The following ZNF383 variants were observed in gnomAD, a reference collection of about 807,000 sequenced individuals.
ZNF383 encodes the protein zinc finger protein 383.
ZNF383 carries 32 observed loss-of-function variants against 44.2 expected under a neutral mutation model. That is an observed-to-expected ratio of 0.72 (90% CI 0.55 to 0.97). The LOEUF (loss-of-function observed/expected upper bound fraction) is 0.97, where lower values mean the gene tolerates loss of function less well. ZNF383 is among the 50% of genes least tolerant of loss of function. The pLI is 0.00. For synonymous variants in ZNF383, 155 were observed against 186.2 expected (o/e 0.83, Z 1.36); for missense variants, 487 against 562.5 (o/e 0.87, Z 1.36).
At chr19:37,233,800 TGAG>T (rs1294151671) in intron 3 of ZNF383, among the ~76,000 whole-genome samples, 1 of 152,132 alleles carries the variant, frequency 6.6e-6, no homozygotes, top group African/African-American at 2.4e-5. Context: ...ATTTCTACAT[TGAG>T]GAGGGGAAGA....
chr19:37,221,929 C>T (rs565815006), intron 1 of ZNF383, among the ~76,000 whole-genome samples: 95 of 144,692 alleles, frequency 6.6e-4, no homozygotes, highest in Non-Finnish European at 1.2e-4. Flanking sequence ...GCACTCCAGC[C>T]TGGCCGACAG....
rs767524951 is a variant in ZNF383 at position 37,242,451 on chromosome 19, C to A, written c.233-18C>A. 1.4e-6 allele frequency: 2 copies of A among 1,460,536 alleles called. No individual in the cohort carries two copies. Among genetic ancestry groups the A allele is most frequent in the African/African-American group, 2.8e-5 (2 of 70,268 alleles). 90.5% of individuals were successfully genotyped at this position (1,460,536 alleles called of 1,614,324 possible). ...ACAAATAGGAAAAAAGAACATTTAC[C>A]ATTTTATTTTCTTTCAGATCTGGAA... On this transcript the variant is annotated intron_variant, in intron 5 of 5. Coordinates refer to ENST00000684119, the MANE Select transcript of ZNF383 (RefSeq NM_001387601.1).
At position 37,243,298 on chromosome 19, in the gene ZNF383, T is replaced by C. The variant is rs750865248; in HGVS notation, c.1062T>C (p.Thr354=). 1 of 1,614,186 alleles carries C rather than the reference T, an allele frequency of 6.2e-7. No homozygotes were observed. The highest frequency in any genetic ancestry group is 2.2e-5 in the East Asian group (1 of 44,878). The change falls in exon 6 of 6, where the codon ACT becomes ACC. Residue 354 remains threonine, a synonymous_variant. Transcript: ENST00000684119. ...GKAFSSGSAL[T]NHQRIHTGEK... ...CCTTTAGTAGTGGCTCAGCACTTAC[T>C]AATCATCAGAGAATTCACACTGGTG...
chr19:37,229,490 A>C (rs956220973), intron 2 of ZNF383, among the ~76,000 whole-genome samples: 6 of 125,494 alleles, frequency 4.8e-5, no homozygotes, highest in East Asian at 2.3e-4. Flanking sequence ...TCAGAGTCTC[A>C]CCCTGTCACC....
intron 2 of ZNF383, among the ~76,000 whole-genome samples, chr19:37,225,899 CCT>C (rs1395944360): frequency 1.3e-5 from 2 of 151,654 alleles, no homozygotes; most frequent in Admixed American, 6.6e-5. Context: ...AAGCGATTCC[CCT>C]GTCTCAGCCT....
chr19:37,236,954 A>AACACACACAC (rs35036376), intron 5 of ZNF383, among the ~76,000 whole-genome samples: 2,206 of 146,834 alleles, frequency 0.015, 29 homozygotes, highest in South Asian at 0.022. Flanking sequence ...CACACATGTG[A>AACACACACAC]ACACACACAC....
chr19:37,230,417 C>G lies in ZNF383; in HGVS notation c.-37C>G. On this transcript the variant is annotated 5_prime_UTR_variant, in exon 3 of 6. Transcript: ENST00000684119. ...ACACTGTCCTTTTTCAGGAGAACGG[C>G]CTCAAGGAAGACTAACCATCTGCAA... 2 of 1,612,154 alleles carry G rather than the reference C, an allele frequency of 1.2e-6. No homozygotes were observed. The highest frequency in any genetic ancestry group is 1.7e-6 in the Non-Finnish European group (2 of 1,178,804).
intron 3 of ZNF383, among the ~76,000 whole-genome samples, chr19:37,232,120 G>C (rs1407635219): frequency 6.6e-6 from 1 of 150,412 alleles, no homozygotes; most frequent in Non-Finnish European, 1.5e-5. Context: ...CTGTCGCCTA[G>C]GCTAGAGTGC....
intron 1 of ZNF383, among the ~76,000 whole-genome samples, chr19:37,222,454 A>G (rs1218393871): frequency 4.6e-5 from 7 of 152,056 alleles, no homozygotes; most frequent in Non-Finnish European, 8.8e-5. Flanking sequence ...TCTGCTCACC[A>G]CAACCTCCAC....
At chr19:37,224,449 G>A (rs1973063500) in intron 1 of ZNF383, among the ~76,000 whole-genome samples, 1 of 152,090 alleles carries the variant, frequency 6.6e-6, no homozygotes, top group African/African-American at 2.4e-5. Flanking sequence ...TTGGTACCTG[G>A]GACTTGGTTC....
intron 3 of ZNF383, among the ~76,000 whole-genome samples, chr19:37,233,287 C>T (rs1450531549): frequency 3.3e-5 from 5 of 151,786 alleles, no homozygotes; most frequent in Admixed American, 1.3e-4. Flanking sequence ...CGTGCCACCA[C>T]GCCCAGCTAA....
In ZNF383 at chr19:37,229,436, G is replaced by A. The variant is rs138039671; in HGVS notation, c.-45-973G>A. Among the ~76,000 whole-genome samples, 340 of 148,780 alleles carry A rather than the reference G, an allele frequency of 2.3e-3. 1 individual carries two copies. The highest frequency in any genetic ancestry group is 7.0e-3 in the Middle Eastern group (2 of 286). The stretch of plus-strand genomic sequence containing the variant: ...AGCCTCCCAAACTGCTGAGATTACA[G>A]GCTGTGAGCCACTGCACCCAGCTTT... On this transcript the variant is annotated intron_variant, in intron 2 of 5. Transcript: ENST00000684119.
At chr19:37,225,292 C>G (rs1015295104) in intron 2 of ZNF383, 1 of 151,528 alleles carries the variant, frequency 6.6e-6, no homozygotes, top group Non-Finnish European at 1.5e-5. Context: ...CAGGGTTTCT[C>G]CATGTTGGTC....
chr19:37,227,664 C>T (rs1033729188), intron 2 of ZNF383: 2 of 152,476 alleles, frequency 1.3e-5, no homozygotes, highest in Admixed American at 6.6e-5. Context: ...GTATTGGCCC[C>T]GAATGCCTGG....
chr19:37,229,799 TA>T (rs1319587363), intron 2 of ZNF383, among the ~76,000 whole-genome samples: 25 of 116,218 alleles, frequency 2.2e-4, no homozygotes, highest in African/African-American at 7.2e-4. Flanking sequence ...TATATATATA[TA>T]TATTTTTTTT....
At chr19:37,232,757 A>G (rs1472238873) in intron 3 of ZNF383, among the ~76,000 whole-genome samples, 5 of 152,192 alleles carry the variant, frequency 3.3e-5, no homozygotes, top group Non-Finnish European at 7.3e-5. Context: ...CCATTTAATT[A>G]CCAGTTTTCC....
rs180852024 is a variant in ZNF383, at chr19:37,233,611, G to T, written c.10-1938G>T. 2.0e-5 allele frequency among the ~76,000 whole-genome samples: 3 copies of T among 151,826 alleles called. No homozygotes were observed. The East Asian group carries it at 5.9e-4, about 30-fold the overall frequency. ...CAACTGGCTAATTTTTGTATTTTTA[G>T]TAGAGACAGGGTTTCACCATGATGG... On this transcript the variant is annotated intron_variant, in intron 3 of 5. Coordinates refer to ENST00000684119, the MANE Select transcript of ZNF383 (RefSeq NM_001387601.1).
At position 37,245,444 on chromosome 19, in the gene ZNF383, T is replaced by G. The variant is rs1296545493; in HGVS notation, c.*1780T>G. Reference sequence around the variant, plus strand: ...AAGTAACACTGTTATGAAAGTGTTATTTATCAATCCAGATATTAATTTTTT... The same window carrying G: ...AAGTAACACTGTTATGAAAGTGTTAGTTATCAATCCAGATATTAATTTTTT... On this transcript the variant is annotated 3_prime_UTR_variant, in exon 6 of 6. Coordinates refer to ENST00000684119, the MANE Select transcript of ZNF383 (RefSeq NM_001387601.1). 6.6e-6 allele frequency: 1 copy of G among 152,144 alleles called. No individual in the cohort carries two copies. The highest frequency in any genetic ancestry group is 1.5e-5 in the Non-Finnish European group (1 of 68,042). The allele number at this position is 152,144 out of a possible 1,614,324, so 9.4% of individuals were successfully genotyped here.
At chr19:37,242,061 A>ATATATAGTATCTATACTATATATAG (rs1555784693) in intron 5 of ZNF383, among the ~76,000 whole-genome samples, 3 of 65,354 alleles carry the variant, frequency 4.6e-5, no homozygotes, top group South Asian at 5.6e-4. Context: ...TATATATACT[A>ATATATAGTATCTATACTATATATAG]TATAGATACT....
Sources: allele counts gnomAD v4.1 joint callset (sites outside exome capture counted in the v4.1 genomes callset), GRCh38; gene constraint gnomAD v4.1.1; transcripts MANE v1.5; gene names NCBI Gene and HGNC (gene_info 2026-07-23, HGNC 2026-07-21).